DMD: variants seen among roughly 807,000 people sequenced by gnomAD.
The protein encoded by DMD is mutant dystrophin.
Under a neutral mutation model 330.1 loss-of-function variants are expected in DMD, and 63 were observed. The observed-to-expected ratio is 0.19, with a 90% CI of 0.16 to 0.24. DMD has a LOEUF of 0.24. Among genes scored for constraint, DMD ranks in the 10% least tolerant of loss-of-function variants. The probability of loss-of-function intolerance (pLI) is 1.00; values close to 1 mark genes in which losing one functional copy is unlikely to be tolerated. For synonymous variants in DMD, 1,223 were observed against 959.8 expected (o/e 1.27, Z -5.07); for missense variants, 3,344 against 2,684.1 (o/e 1.25, Z -5.43).
At chrX:31,313,756 C>G (rs2055736495) in intron 62 of DMD, among the ~76,000 whole-genome samples, 1 of 109,471 alleles carries the variant, frequency 9.1e-6, no homozygotes, top group African/African-American at 3.3e-5. Context: ...CCCCCCTCCC[C>G]TTTATTAGAA....
At chrX:31,181,986 C>T (rs1402366303) in intron 68 of DMD, among the ~76,000 whole-genome samples, 2 of 112,045 alleles carry the variant, frequency 1.8e-5, no homozygotes, top group African/African-American at 6.5e-5. Flanking sequence ...AAAAAAAAAT[C>T]CTGTCTCCCC....
intron 4 of DMD, among the ~76,000 whole-genome samples, chrX:32,839,659 A>G (rs1466917904): frequency 1.8e-5 from 2 of 112,443 alleles, no homozygotes; most frequent in Non-Finnish European, 3.7e-5. Flanking sequence ...TAAGCAAACT[A>G]AAGTTGTACT....
chrX:31,333,511 C>T (rs1193075455), intron 61 of DMD, among the ~76,000 whole-genome samples: 1 of 97,858 alleles, frequency 1.0e-5, no homozygotes, highest in East Asian at 3.5e-4. Context: ...AAAACTGAAT[C>T]TTCCTCTAAT....
At chrX:32,991,953 A>G (rs2092989755) in intron 2 of DMD, among the ~76,000 whole-genome samples, 1 of 112,257 alleles carries the variant, frequency 8.9e-6, no homozygotes, top group Non-Finnish European at 1.9e-5. Flanking sequence ...GCAATTGCTT[A>G]TTGTGAATGC....
At chrX:31,546,501 C>G (rs1201494179) in intron 55 of DMD, among the ~76,000 whole-genome samples, 11 of 112,339 alleles carry the variant, frequency 9.8e-5, no homozygotes, top group Non-Finnish European at 7.5e-5. Context: ...CCTACTATGG[C>G]CACACCACCT....
At chrX:32,491,229 G>A in intron 20 of DMD, 48 bp downstream of exon 20, 1 of 1,200,687 alleles carries the variant, frequency 8.3e-7, no homozygotes, top group Non-Finnish European at 1.1e-6. Flanking sequence ...AAATTGCCAA[G>A]AAATACCTAT....
intron 61 of DMD, among the ~76,000 whole-genome samples, chrX:31,336,426 T>C (rs2057407383): frequency 8.9e-6 from 1 of 112,170 alleles, no homozygotes; most frequent in African/African-American, 3.2e-5. Context: ...CCATTTCTGT[T>C]GCGCAAAGCT....
At chrX:32,706,334 G>GT (rs2064654577) in intron 7 of DMD, among the ~76,000 whole-genome samples, 1 of 108,537 alleles carries the variant, frequency 9.2e-6, no homozygotes, top group Non-Finnish European at 1.9e-5. Context: ...GTATACATAT[G>GT]TAACAAACCT....
chrX:33,021,441 A>G (rs1055350129), intron 1 of DMD, among the ~76,000 whole-genome samples: 3 of 111,612 alleles, frequency 2.7e-5, no homozygotes, highest in African/African-American at 9.7e-5. Flanking sequence ...AGAGATATTT[A>G]AAATTGATAA....
chrX:32,448,676 T>C, intron 26 of DMD, 38 bp from the exon 27 acceptor site: 2 of 1,098,500 alleles, frequency 1.8e-6, no homozygotes, highest in Non-Finnish European at 2.5e-6. Flanking sequence ...AGCATGAAAA[T>C]AACTTTACAT....
intron 1 of DMD, among the ~76,000 whole-genome samples, chrX:33,120,592 C>T (rs1333656549): frequency 9.0e-6 from 1 of 110,934 alleles, no homozygotes; most frequent in African/African-American, 3.3e-5. Context: ...TATTGAAACA[C>T]TTTTTAGGCC....
At chrX:33,073,708 C>T (rs947261492) in intron 1 of DMD, among the ~76,000 whole-genome samples, 3 of 109,588 alleles carry the variant, frequency 2.7e-5, no homozygotes, top group Non-Finnish European at 3.8e-5. Context: ...GGCGGGTGCC[C>T]GTAATCCTAG....
chrX:31,752,138 G>A (rs992764486), intron 51 of DMD, among the ~76,000 whole-genome samples: 2 of 111,860 alleles, frequency 1.8e-5, no homozygotes, highest in South Asian at 3.7e-4. Flanking sequence ...CTATCTCTCC[G>A]TGTCAAGATT....
intron 2 of DMD, among the ~76,000 whole-genome samples, chrX:33,017,633 C>T (rs911288925): frequency 1.8e-5 from 2 of 111,120 alleles, no homozygotes; most frequent in Admixed American, 9.7e-5. Flanking sequence ...ATATAGTGTA[C>T]TAGTAATAAA....
intron 7 of DMD, among the ~76,000 whole-genome samples, chrX:32,735,950 A>T (rs1313033894): frequency 1.8e-5 from 2 of 112,005 alleles, no homozygotes; most frequent in East Asian, 5.6e-4. Context: ...TCTGCACAAC[A>T]AAAGAAACTA....
intron 60 of DMD, among the ~76,000 whole-genome samples, chrX:31,388,958 C>G (rs1200040363): frequency 8.9e-6 from 1 of 112,438 alleles, no homozygotes; most frequent in East Asian, 2.8e-4. Flanking sequence ...AGAGCTGAAT[C>G]TCAGCATCCT....
chrX:32,043,799 T>C (rs2096032525), intron 44 of DMD, among the ~76,000 whole-genome samples: 1 of 112,256 alleles, frequency 8.9e-6, no homozygotes. Context: ...ATTTTAATCA[T>C]TATAATCAGA....
chrX:31,893,520 A>C (rs2149775995), intron 47 of DMD, among the ~76,000 whole-genome samples: 1 of 109,311 alleles, frequency 9.1e-6, no homozygotes, highest in Admixed American at 9.8e-5. Flanking sequence ...GGGGGAAGGT[A>C]CTGAAAAAAG....
chrX:32,468,561 G>C lies in DMD; in HGVS notation c.3099C>G (p.Ser1033=). The C allele has an allele frequency of 3.3e-6, 4 of 1,210,770 alleles. No homozygotes were observed. The highest frequency in any genetic ancestry group is 4.5e-6 in the Non-Finnish European group (4 of 895,039). ...TTTGACAATGCTCAACCAGCTGGGA[G>C]GAGAGCTTCTTCCAGCGTCCCTCAA... ...EEIEGRWKKL[S]SQLVEHCQKL... is the part of the protein sequence containing the mutation. The change falls in exon 23 of 79, where the codon TCC becomes TCG. Residue 1033 remains serine, a synonymous_variant. Coordinates refer to ENST00000357033, the MANE Select transcript of DMD (RefSeq NM_004006.3).
Sources: gnomAD v4.1 joint callset for allele counts (sites outside exome capture counted in the v4.1 genomes callset) on GRCh38, gnomAD v4.1.1 for gene constraint, MANE v1.5 for transcripts, NCBI Gene and HGNC (gene_info 2026-07-23, HGNC 2026-07-21) for gene names.